MACROD2: variants seen among roughly 807,000 people sequenced by gnomAD.
The protein encoded by MACROD2 is ADP-ribose glycohydrolase MACROD2.
In MACROD2, 36 loss-of-function variants were observed where a neutral mutation model predicts 70.4. The observed-to-expected ratio is 0.51, with a 90% CI of 0.39 to 0.68. The LOEUF (loss-of-function observed/expected upper bound fraction) is 0.68. Among genes scored for constraint, MACROD2 ranks in the 30% least tolerant of loss-of-function variants. MACROD2 has a pLI of 0.00. For missense variants in MACROD2, 496 were observed against 538.4 expected (o/e 0.92, Z 0.78); for synonymous variants, 172 against 178.8 (o/e 0.96, Z 0.30).
At chr20:15,972,833 A>G (rs1156367109) in intron 13 of MACROD2, among the ~76,000 whole-genome samples, 5 of 152,132 alleles carry the variant, frequency 3.3e-5, no homozygotes, top group Non-Finnish European at 7.4e-5. Context: ...GAAAAAAAAA[A>G]GATAAATAAA....
chr20:14,296,307 A>C (rs552465112), intron 3 of MACROD2, among the ~76,000 whole-genome samples: 9 of 151,940 alleles, frequency 5.9e-5, no homozygotes, highest in Non-Finnish European at 1.0e-4. Flanking sequence ...TGTGTACCCA[A>C]CATATTTATA....
chr20:14,792,752 A>G (rs1360469029), intron 5 of MACROD2, among the ~76,000 whole-genome samples: 1 of 151,962 alleles, frequency 6.6e-6, no homozygotes, highest in Non-Finnish European at 1.5e-5. Context: ...TTGGAAATTC[A>G]TTTACCAAGT....
chr20:14,100,903 ATTGAC>A (rs1425108938), intron 3 of MACROD2, among the ~76,000 whole-genome samples: 8 of 146,944 alleles, frequency 5.4e-5, no homozygotes, highest in Admixed American at 2.1e-4. Flanking sequence ...TATAATCAAA[ATTGAC>A]TTGACTTAAG....
intron 5 of MACROD2, among the ~76,000 whole-genome samples, chr20:14,949,620 C>T (rs1011599481): frequency 1.3e-5 from 2 of 152,170 alleles, no homozygotes; most frequent in African/African-American, 4.8e-5. Context: ...AATTAGGCTC[C>T]TTTTGGAAAA....
At chr20:14,996,640 T>TC (rs1337327143) in intron 5 of MACROD2, among the ~76,000 whole-genome samples, 5 of 152,056 alleles carry the variant, frequency 3.3e-5, no homozygotes, top group Non-Finnish European at 5.9e-5. Context: ...CCCTTCCTCA[T>TC]CCCCCAGCAG....
At chr20:15,315,084 G>A (rs536571794) in intron 6 of MACROD2, among the ~76,000 whole-genome samples, 1 of 152,282 alleles carries the variant, frequency 6.6e-6, no homozygotes, top group Admixed American at 6.5e-5. Flanking sequence ...CAGCAAACTG[G>A]AAGTGGGTCA....
At chr20:15,195,780 C>T (rs963756005) in intron 5 of MACROD2, among the ~76,000 whole-genome samples, 4 of 152,078 alleles carry the variant, frequency 2.6e-5, no homozygotes, top group Non-Finnish European at 4.4e-5. Flanking sequence ...TGCATGCATG[C>T]ATATGTTCAT....
chr20:14,537,725 A>G (rs755728154), intron 4 of MACROD2, among the ~76,000 whole-genome samples: 3 of 152,178 alleles, frequency 2.0e-5, no homozygotes, highest in Admixed American at 6.5e-5. Context: ...TCTCCAGCTC[A>G]TCTACTTGTC....
intron 5 of MACROD2, among the ~76,000 whole-genome samples, chr20:14,749,672 T>G (rs1189608182): frequency 1.3e-5 from 2 of 152,180 alleles, no homozygotes; most frequent in Non-Finnish European, 2.9e-5. Flanking sequence ...AATTTTAATC[T>G]AAATGATCTG....
At chr20:15,287,844 G>A (rs1478306325) in intron 6 of MACROD2, among the ~76,000 whole-genome samples, 1 of 152,114 alleles carries the variant, frequency 6.6e-6, no homozygotes, top group Non-Finnish European at 1.5e-5. Flanking sequence ...GGAGCTATTG[G>A]CATTTGCCAT....
chr20:14,530,058 A>G (rs1342847411), intron 4 of MACROD2, among the ~76,000 whole-genome samples: 1 of 152,210 alleles, frequency 6.6e-6, no homozygotes, highest in Admixed American at 6.5e-5. Flanking sequence ...GCTCATTGCC[A>G]TAGGGGCACT....
intron 5 of MACROD2, among the ~76,000 whole-genome samples, chr20:15,190,499 A>T (rs776083109): frequency 6.6e-6 from 1 of 152,218 alleles, no homozygotes; most frequent in Non-Finnish European, 1.5e-5. Context: ...TGTATAGGTA[A>T]TCATCAGTCT....
chr20:15,820,740 T>G, intron 8 of MACROD2, among the ~76,000 whole-genome samples: 1 of 152,230 alleles, frequency 6.6e-6, no homozygotes, highest in Non-Finnish European at 1.5e-5. Context: ...TTGTTTTAAG[T>G]TTTTTATAGT....
chr20:15,313,347 C>T (rs1226748591), intron 6 of MACROD2, among the ~76,000 whole-genome samples: 2 of 151,432 alleles, frequency 1.3e-5, no homozygotes, highest in Non-Finnish European at 2.9e-5. Context: ...TCTACTAAAA[C>T]TACAAAAAAA....
Position 15,357,029 on chromosome 20 carries a change from AAAG to A in MACROD2, c.541-74371_541-74369del, listed in dbSNP as rs900625727. 3.9e-5 allele frequency among the ~76,000 whole-genome samples: 6 copies of A among 152,326 alleles called. 1 individual carries two copies. In the South Asian group the frequency reaches 8.3e-4, roughly 21 times the overall value. On this transcript the variant is annotated intron_variant, in intron 6 of 17. Transcript: ENST00000684519. Reference sequence around the variant, plus strand: ...CTTATATGAACCTTTATATGAATAGAAAGAAGATCTGAGCTAGTGACTATCCAA... The same window carrying A: ...CTTATATGAACCTTTATATGAATAGAAAGATCTGAGCTAGTGACTATCCAA...
Position 14,700,281 on chromosome 20 carries a change from A to C in MACROD2, c.418+15322A>C, listed in dbSNP as rs76628144. 5.4e-3 allele frequency among the ~76,000 whole-genome samples: 824 copies of C among 152,180 alleles called. 16 individuals are homozygous for C. The highest frequency in any genetic ancestry group is 0.019 in the African/African-American group (787 of 41,550). On this transcript the variant is annotated intron_variant, in intron 5 of 17. Transcript: ENST00000684519. ...CATTTTTCACTTCTTCTTTTCATGC[A>C]AGATCTTAGGTGCTGTATTTTGCAA...
intron 8 of MACROD2, among the ~76,000 whole-genome samples, chr20:15,615,787 C>T (rs6110694): frequency 1.4e-4 from 22 of 151,944 alleles, no homozygotes; most frequent in African/African-American, 2.4e-5. Context: ...AATTAGAAAT[C>T]GGACTCGGGG....
intron 15 of MACROD2, among the ~76,000 whole-genome samples, chr20:16,003,362 G>C (rs1311777936): frequency 6.6e-6 from 1 of 152,042 alleles, no homozygotes; most frequent in Non-Finnish European, 1.5e-5. Context: ...GTGTGTGTGT[G>C]TGTGTGCATC....
intron 10 of MACROD2, among the ~76,000 whole-genome samples, chr20:15,889,336 C>CATGCATG (rs1325958487): frequency 2.6e-5 from 4 of 152,170 alleles, no homozygotes; most frequent in African/African-American, 9.6e-5. Context: ...AATAACGTGA[C>CATGCATG]ATGCATGAAC....
Sources: gnomAD v4.1 joint callset for allele counts (sites outside exome capture counted in the v4.1 genomes callset) on GRCh38, gnomAD v4.1.1 for gene constraint, MANE v1.5 for transcripts, NCBI Gene and HGNC (gene_info 2026-07-23, HGNC 2026-07-21) for gene names.